The following ISOC1 variants were observed in gnomAD, a reference collection of about 807,000 sequenced individuals.
The protein encoded by ISOC1 is isochorismatase domain containing 1.
In ISOC1, 33 loss-of-function variants were observed where a neutral mutation model predicts 30.0. That is an observed-to-expected ratio of 1.10 (90% CI 0.83 to 1.47). The LOEUF is 1.47. ISOC1 is among the 40% of genes most tolerant of loss of function. The probability of loss-of-function intolerance (pLI) is 0.00; values close to 1 mark genes in which losing one functional copy is unlikely to be tolerated. For synonymous variants in ISOC1, 178 were observed against 159.8 expected (o/e 1.11, Z -0.86); for missense variants, 372 against 388.0 (o/e 0.96, Z 0.35).
At chr5:129,096,500 G>A (rs924536539) in intron 1 of ISOC1, among the ~76,000 whole-genome samples, 5 of 152,190 alleles carry the variant, frequency 3.3e-5, no homozygotes, top group African/African-American at 1.2e-4. Flanking sequence ...CTCTCTGCCA[G>A]TGGAGAACCT....
At chr5:129,101,193 AT>A (rs1360309568) in intron 1 of ISOC1, among the ~76,000 whole-genome samples, 7 of 45,074 alleles carry the variant, frequency 1.6e-4, no homozygotes, top group South Asian at 1.3e-3. Flanking sequence ...AAAAAAAAAA[AT>A]ATATATATAT....
At chr5:129,096,973 C>T (rs1226824089) in intron 1 of ISOC1, among the ~76,000 whole-genome samples, 1 of 152,114 alleles carries the variant, frequency 6.6e-6, no homozygotes, top group East Asian at 1.9e-4. Flanking sequence ...CCTGAAAACG[C>T]TTGTACATTC....
At chr5:129,099,355 G>A (rs1196083093) in intron 1 of ISOC1, among the ~76,000 whole-genome samples, 1 of 152,200 alleles carries the variant, frequency 6.6e-6, no homozygotes, top group Non-Finnish European at 1.5e-5. Flanking sequence ...GGTGGGTGGA[G>A]ACAGCTGGCG....
intron 1 of ISOC1, among the ~76,000 whole-genome samples, chr5:129,101,192 A>AAAAAATATAT (rs1554064627): frequency 4.7e-4 from 20 of 42,224 alleles, no homozygotes; most frequent in African/African-American, 9.2e-4. Context: ...AAAAAAAAAA[A>AAAAAATATAT]ATATATATAT....
intron 1 of ISOC1, among the ~76,000 whole-genome samples, chr5:129,101,687 A>G (rs1561421856): frequency 6.6e-6 from 1 of 152,204 alleles, no homozygotes; most frequent in East Asian, 1.9e-4. Context: ...CCAAAGAACC[A>G]ACATTGGTAC....
In ISOC1 at chr5:129,105,261, A is replaced by G. The variant is rs377397435; in HGVS notation, c.506A>G (p.Gln169Arg). The G allele has an allele frequency of 8.1e-6, 13 of 1,613,906 alleles. No individual in the cohort carries two copies. Among genetic ancestry groups the G allele is most frequent in the Non-Finnish European group, 1.1e-5 (13 of 1,179,864 alleles). ...CCTAAAGGTCTTGGGAGCACGGTTCAAGAAATTGATTTAACAGGTGTAAAA... is the reference window on the plus strand; with the variant it reads ...CCTAAAGGTCTTGGGAGCACGGTTCGAGAAATTGATTTAACAGGTGTAAAA... Reference protein sequence around the residue: ...QYPKGLGSTVQEIDLTGVKLV... With the variant: ...QYPKGLGSTVREIDLTGVKLV... Residue 169 changes from glutamine to arginine, a missense_variant, in exon 3 of 5, where the codon CAA (glutamine) becomes CGA (arginine). Physicochemically the swap from Gln to Arg is conservative, Grantham distance 43. Coordinates refer to ENST00000173527, the MANE Select transcript of ISOC1 (RefSeq NM_016048.2).
chr5:129,101,192 A>AAAAAAAAAAAAAATAT (rs1554064627), intron 1 of ISOC1, among the ~76,000 whole-genome samples: 1 of 42,238 alleles, frequency 2.4e-5, no homozygotes, highest in Non-Finnish European at 3.6e-5. Flanking sequence ...AAAAAAAAAA[A>AAAAAAAAAAAAAATAT]ATATATATAT....
intron 3 of ISOC1, among the ~76,000 whole-genome samples, chr5:129,105,658 C>T (rs1753629212): frequency 6.6e-6 from 1 of 152,086 alleles, no homozygotes; most frequent in Non-Finnish European, 1.5e-5. Context: ...GTGTAACTGA[C>T]TTGAATGTAT....
At chr5:129,097,236 G>A (rs1580785371) in intron 1 of ISOC1, among the ~76,000 whole-genome samples, 1 of 151,812 alleles carries the variant, frequency 6.6e-6, no homozygotes, top group East Asian at 1.9e-4. Flanking sequence ...TCTCATTTTA[G>A]TAGTTATACT....
At position 129,105,267 on chromosome 5, in the gene ISOC1, TTGATTTAACAGG is replaced by T. The variant is rs757302009; in HGVS notation, c.515_526del (p.Asp172_Gly175del). On this transcript the variant is annotated inframe_deletion, in exon 3 of 5. Transcript: ENST00000173527. ...GGTCTTGGGAGCACGGTTCAAGAAA[TTGATTTAACAGG>T]TGTAAAACTGGTACTTCCAAAGACC... 2 of 1,613,904 alleles carry T rather than the reference TTGATTTAACAGG, an allele frequency of 1.2e-6. No homozygotes were observed. Among genetic ancestry groups the T allele is most frequent in the African/African-American group, 2.7e-5 (2 of 75,002 alleles).
At chr5:129,112,712 C>T (rs572881809) in intron 4 of ISOC1, 143 bp from the exon 5 acceptor site, 11 of 764,944 alleles carry the variant, frequency 1.4e-5, no homozygotes, top group African/African-American at 1.4e-4. Context: ...AATCCATCCC[C>T]ATCACTGAAC....
chr5:129,106,705 A>C (rs765701281), intron 3 of ISOC1, among the ~76,000 whole-genome samples: 5 of 152,232 alleles, frequency 3.3e-5, no homozygotes, highest in Non-Finnish European at 7.3e-5. Context: ...AATATGTTTA[A>C]GGTTCTTAGT....
chr5:129,106,867 T>G (rs986295411), intron 3 of ISOC1, 79 bp from the exon 4 acceptor site: 7 of 990,630 alleles, frequency 7.1e-6, no homozygotes, highest in African/African-American at 3.2e-5. Flanking sequence ...CTCTGTCTGC[T>G]TTATCATGTT....
Position 129,106,952 on chromosome 5 carries a change from G to A in ISOC1, c.640G>A (p.Val214Met). The A allele has an allele frequency of 1.2e-6, 2 of 1,611,646 alleles. No individual in the cohort carries two copies. The highest frequency in any genetic ancestry group is 2.7e-5 in the African/African-American group (2 of 74,956). The change falls in exon 4 of 5, where the codon GTG (valine) becomes ATG (methionine). Residue 214 changes from valine (V) to methionine (M), a missense_variant. Physicochemically the swap from Val to Met is conservative, Grantham distance 21. Coordinates refer to ENST00000173527, the MANE Select transcript of ISOC1 (RefSeq NM_016048.2). ...TCTTGTACTTTCCTACTAGACTCAT[G>A]TGTGCATCCAACAAACTGCCCTGGA... ...SVVLFGVETH[V>M]CIQQTALELV...
At position 129,113,068 on chromosome 5, in the gene ISOC1, A is replaced by G; in HGVS notation, c.*67A>G. ...GTCAGGTGAAGGACTGTAAGCCCAC[A>G]CAAGCTCTTCTTATCTCTACTAGAA... On this transcript the variant is annotated 3_prime_UTR_variant, in exon 5 of 5. Transcript: ENST00000173527. 4 of 1,439,478 alleles carry G rather than the reference A, an allele frequency of 2.8e-6. No individual in the cohort carries two copies. Among genetic ancestry groups the G allele is most frequent in the Non-Finnish European group, 3.8e-6 (4 of 1,061,532 alleles). The allele number at this position is 1,439,478 out of a possible 1,614,324, so 89.2% of individuals were successfully genotyped here. A position where few individuals can be genotyped will look rare whatever the true frequency, so the allele number is the denominator to read the frequency against.
At chr5:129,106,103 G>A (rs1421773563) in intron 3 of ISOC1, among the ~76,000 whole-genome samples, 1 of 152,122 alleles carries the variant, frequency 6.6e-6, no homozygotes, top group Non-Finnish European at 1.5e-5. Context: ...GAAGAAGCCT[G>A]TTTTGTATAA....
chr5:129,107,036 A>G lies in ISOC1; in HGVS notation c.724A>G (p.Met242Val), dbSNP rs764047955. The change falls in exon 4 of 5, where the codon ATG becomes GTG. Residue 242 changes from methionine (M) to valine (V), a missense_variant. Met to Val is a conservative substitution (Grantham distance 21). Transcript: ENST00000173527. ...TGCTGATGCCACCTCATCAAGAAGC[A>G]TGATGGACAGGATGTTTGCCCTCGA... ...IVADATSSRS[M>V]MDRMFALERL... 1.2e-6 allele frequency: 2 copies of G among 1,613,688 alleles called. No homozygotes were observed. The highest frequency in any genetic ancestry group is 8.5e-7 in the Non-Finnish European group (1 of 1,179,662).
chr5:129,106,881 G>C, intron 3 of ISOC1, 65 bp from the exon 4 acceptor site: 1 of 1,107,404 alleles, frequency 9.0e-7, no homozygotes, highest in Non-Finnish European at 1.4e-6. Context: ...TCATGTTGTT[G>C]TACATTTGTA....
intron 4 of ISOC1, among the ~76,000 whole-genome samples, chr5:129,109,193 C>T (rs1753673839): frequency 6.6e-6 from 1 of 152,284 alleles, no homozygotes; most frequent in East Asian, 1.9e-4. Context: ...AATCTGTAAT[C>T]TCTCGGATTA....
Sources: allele counts gnomAD v4.1 joint callset (sites outside exome capture counted in the v4.1 genomes callset), GRCh38; gene constraint gnomAD v4.1.1; transcripts MANE v1.5; gene names NCBI Gene and HGNC (gene_info 2026-07-23, HGNC 2026-07-21).